The following CD58 variants were observed in gnomAD, a reference collection of about 807,000 sequenced individuals.
CD58 encodes CD58 molecule, also known as lymphocyte function-associated antigen 3.
Under a neutral mutation model 27.6 loss-of-function variants are expected in CD58, and 14 were observed. That is an observed-to-expected ratio of 0.51 (90% CI 0.34 to 0.79). The LOEUF (loss-of-function observed/expected upper bound fraction) is 0.79. Among genes scored for constraint, CD58 ranks in the 30% least tolerant of loss-of-function variants. The pLI is 0.02. For missense variants in CD58, 268 were observed against 301.7 expected (o/e 0.89, Z 0.83); for synonymous variants, 117 against 103.8 (o/e 1.13, Z -0.77).
chr1:116,514,755 G>A lies in CD58; in HGVS notation c.*58C>T, dbSNP rs1657021794. On this transcript the variant is annotated 3_prime_UTR_variant, in exon 6 of 6. Coordinates refer to ENST00000369489, the MANE Select transcript of CD58 (RefSeq NM_001779.3). ...GTAATACTCAAATGAGAAATCAGATGGCTTTTTAGTTTTTAAAATAATTTA... is the reference window on the plus strand; with the variant it reads ...GTAATACTCAAATGAGAAATCAGATAGCTTTTTAGTTTTTAAAATAATTTA... The A allele has an allele frequency of 6.2e-6, 7 of 1,132,056 alleles. No homozygotes were observed. The Admixed American group carries it at 6.3e-5, about 10-fold the overall frequency. The allele number at this position is 1,132,056 out of a possible 1,614,324, so 70.1% of individuals were successfully genotyped here. A position where few individuals can be genotyped will look rare whatever the true frequency, so the allele number is the denominator to read the frequency against.
rs2101202392 is a variant in CD58, at chr1:116,550,778, C to T, written c.71-6174G>A. Among the ~76,000 whole-genome samples the T allele has an allele frequency of 6.6e-6, 1 of 152,180 alleles. No individual in the cohort carries two copies. Among genetic ancestry groups the T allele is most frequent in the African/African-American group, 2.4e-5 (1 of 41,518 alleles). ...AATAATTATCTATGGCAGCTATAGC[C>T]TTACCAAGTGTATTCCTACATAATA... On this transcript the variant is annotated intron_variant, in intron 1 of 5. Coordinates refer to ENST00000369489, the MANE Select transcript of CD58 (RefSeq NM_001779.3). This position sits in a 1 kb window ranked among gnomAD's most constrained non-coding sequence, Gnocchi z 4.2.
At chr1:116,548,283 C>T (rs1210013368) in intron 1 of CD58, among the ~76,000 whole-genome samples, 1 of 152,200 alleles carries the variant, frequency 6.6e-6, no homozygotes, top group Non-Finnish European at 1.5e-5. Context: ...GTTTATATTG[C>T]TGTACAGAAG....
intron 3 of CD58, chr1:116,533,753 C>T: frequency 1.4e-6 from 1 of 707,916 alleles, no homozygotes; most frequent in Non-Finnish European, 2.6e-6. Flanking sequence ...GTTGGTTCAA[C>T]ATCACCGGTG....
chr1:116,559,813 C>G lies in CD58; in HGVS notation c.70+11090G>C, dbSNP rs1416201617. 2.0e-5 allele frequency among the ~76,000 whole-genome samples: 3 copies of G among 152,164 alleles called. No individual in the cohort carries two copies. Among genetic ancestry groups the G allele is most frequent in the Non-Finnish European group, 4.4e-5 (3 of 68,038 alleles). On this transcript the variant is annotated intron_variant, in intron 1 of 5. Transcript: ENST00000369489. The surrounding 1 kb of genome is among the most constrained non-coding windows in gnomAD (Gnocchi z 4.4). Reference sequence around the variant, plus strand: ...GTTTCCTTTTTAATTCTTGTTCTTGCACTTAACCTATTTCTTCTTTCTCAA... The same window carrying G: ...GTTTCCTTTTTAATTCTTGTTCTTGGACTTAACCTATTTCTTCTTTCTCAA...
chr1:116,544,024 C>T lies in CD58; in HGVS notation c.364+287G>A, dbSNP rs548183667. Among the ~76,000 whole-genome samples the T allele has an allele frequency of 2.0e-4, 30 of 152,282 alleles. No individual in the cohort carries two copies. The South Asian group carries it at 6.0e-3, about 31-fold the overall frequency. ...TATAGAGTAACATCTATCAGTGGAG[C>T]CCAAAGAGTTCTAAGCTAACTGCTG... is the stretch of plus-strand genomic sequence containing the variant. On this transcript the variant is annotated intron_variant, in intron 2 of 5. Transcript: ENST00000369489.
In CD58 at chr1:116,521,652, A is replaced by G. The variant is rs527955461; in HGVS notation, c.706+254T>C. The G allele has an allele frequency of 3.0e-6, 1 of 338,670 alleles. No homozygotes were observed. The highest frequency in any genetic ancestry group is 3.2e-5 in the South Asian group (1 of 30,852). 21.0% of individuals were successfully genotyped at this position (338,670 alleles called of 1,614,324 possible). ...AGCAGATCACAGGTAAAAGGAGGCT[A>G]TGCAACAGGTCCAGGCTGTGTTCCC... is the stretch of plus-strand genomic sequence containing the variant. On this transcript the variant is annotated intron_variant, in intron 4 of 5. Coordinates refer to ENST00000369489, the MANE Select transcript of CD58 (RefSeq NM_001779.3). The surrounding 1 kb of genome is among the most constrained non-coding windows in gnomAD (Gnocchi z 5.6).
At position 116,524,670 on chromosome 1, in the gene CD58, T is replaced by C. The variant is rs927467259; in HGVS notation, c.629-2687A>G. Among the ~76,000 whole-genome samples the C allele has an allele frequency of 7.9e-5, 12 of 152,360 alleles. No individual in the cohort carries two copies. The highest frequency in any genetic ancestry group is 2.6e-4 in the African/African-American group (11 of 41,592). On this transcript the variant is annotated intron_variant, in intron 3 of 5. Coordinates refer to ENST00000369489, the MANE Select transcript of CD58 (RefSeq NM_001779.3). The surrounding 1 kb of genome is among the most constrained non-coding windows in gnomAD (Gnocchi z 4.6). ...TATTCAATAACAACAATATAAATAT[T>C]CATTTGCATTTTCCTGCAATACATA...
At chr1:116,562,600 T>C (rs1339773536) in intron 1 of CD58, among the ~76,000 whole-genome samples, 1 of 152,224 alleles carries the variant, frequency 6.6e-6, no homozygotes, top group Non-Finnish European at 1.5e-5. Flanking sequence ...CAGTTCCACA[T>C]GGCCAGGGAA....
At chr1:116,549,950 C>G (rs1429565219) in intron 1 of CD58, among the ~76,000 whole-genome samples, 1 of 152,048 alleles carries the variant, frequency 6.6e-6, no homozygotes, top group Admixed American at 6.5e-5. Flanking sequence ...TTACACTATA[C>G]TGTAGTCTAT....
intron 1 of CD58, among the ~76,000 whole-genome samples, chr1:116,560,330 A>T (rs1350862469): frequency 6.6e-6 from 1 of 152,126 alleles, no homozygotes; most frequent in Non-Finnish European, 1.5e-5. Flanking sequence ...TTAGGGAATA[A>T]GGTTCTTACT....
At chr1:116,548,442 A>T (rs890916276) in intron 1 of CD58, among the ~76,000 whole-genome samples, 3 of 152,106 alleles carry the variant, frequency 2.0e-5, no homozygotes, top group African/African-American at 7.2e-5. Context: ...TCTTAGATTT[A>T]AGTTTTTGAT....
chr1:116,570,809 C>T lies in CD58; in HGVS notation c.70+94G>A, dbSNP rs1659114574. 2 of 973,822 alleles carry T rather than the reference C, an allele frequency of 2.1e-6. No individual in the cohort carries two copies. The highest frequency in any genetic ancestry group is 1.6e-5 in the South Asian group (1 of 63,488). 60.3% of individuals were successfully genotyped at this position (973,822 alleles called of 1,614,324 possible). A position where few individuals can be genotyped will look rare whatever the true frequency, so the allele number is the denominator to read the frequency against. ...CGACCCGTCCCCACCCGTCTCTGAT[C>T]GGCAACCGCCTCGAGCCCGGCGCGT... On this transcript the variant is annotated intron_variant, in intron 1 of 5. Transcript: ENST00000369489. This position sits in a 1 kb window ranked among gnomAD's most constrained non-coding sequence, Gnocchi z 6.4.
chr1:116,567,471 A>C (rs1658979550), intron 1 of CD58, among the ~76,000 whole-genome samples: 1 of 152,032 alleles, frequency 6.6e-6, no homozygotes, highest in African/African-American at 2.4e-5. Flanking sequence ...CCCTGTTTCT[A>C]CAAAAACTAA....
At position 116,521,282 on chromosome 1, in the gene CD58, GT is replaced by G. The variant is rs1218813604; in HGVS notation, c.706+623del. On this transcript the variant is annotated intron_variant, in intron 4 of 5. Transcript: ENST00000369489. This position sits in a 1 kb window ranked among gnomAD's most constrained non-coding sequence, Gnocchi z 5.6. The stretch of plus-strand genomic sequence containing the variant: ...GGTGAAGGCTGGTATGGAAACTGCT[GT>G]GGCATCAAGAATATCCACTCTTCAG... Among the ~76,000 whole-genome samples, 1 of 152,080 alleles carries G rather than the reference GT, an allele frequency of 6.6e-6. No individual in the cohort carries two copies. Among genetic ancestry groups the G allele is most frequent in the African/African-American group, 2.4e-5 (1 of 41,400 alleles).
At chr1:116,539,510 A>T (rs1657924038) in intron 2 of CD58, among the ~76,000 whole-genome samples, 1 of 151,154 alleles carries the variant, frequency 6.6e-6, no homozygotes, top group African/African-American at 2.5e-5. Flanking sequence ...GGTTTGTAAA[A>T]AAGAAAAGAA....
chr1:116,533,509 TTCAC>T, intron 3 of CD58: 1 of 733,142 alleles, frequency 1.4e-6, no homozygotes, highest in East Asian at 2.7e-5. Context: ...GTCAGAAAAC[TTCAC>T]TTTAATATCC....
rs1391096782 is a variant in CD58 at position 116,524,781 on chromosome 1, C to A, written c.629-2798G>T. Among the ~76,000 whole-genome samples, 1 of 152,144 alleles carries A rather than the reference C, an allele frequency of 6.6e-6. No homozygotes were observed. The highest frequency in any genetic ancestry group is 1.5e-5 in the Non-Finnish European group (1 of 68,016). On this transcript the variant is annotated intron_variant, in intron 3 of 5. Coordinates refer to ENST00000369489, the MANE Select transcript of CD58 (RefSeq NM_001779.3). This position sits in a 1 kb window ranked among gnomAD's most constrained non-coding sequence, Gnocchi z 4.6. Reference sequence around the variant, plus strand: ...TTTTTTTCTTTATAGTTCTTTTTATCCTTAGAATGCAGCCCCTTGAAATAT... The same window carrying A: ...TTTTTTTCTTTATAGTTCTTTTTATACTTAGAATGCAGCCCCTTGAAATAT...
At chr1:116,520,464 T>C in intron 4 of CD58, among the ~76,000 whole-genome samples, 1 of 151,822 alleles carries the variant, frequency 6.6e-6, no homozygotes, top group African/African-American at 2.4e-5. Flanking sequence ...TATCTGGGGC[T>C]AACAGTACTG....
chr1:116,566,095 T>C (rs1658923618), intron 1 of CD58, among the ~76,000 whole-genome samples: 1 of 152,222 alleles, frequency 6.6e-6, no homozygotes, highest in African/African-American at 2.4e-5. Flanking sequence ...AGTTATATCT[T>C]GAAAAACTCA....
Sources: allele counts gnomAD v4.1 joint callset (sites outside exome capture counted in the v4.1 genomes callset), GRCh38; gene constraint gnomAD v4.1.1; non-coding constraint Gnocchi (gnomAD v3.1); transcripts MANE v1.5; gene names NCBI Gene and HGNC (gene_info 2026-07-23, HGNC 2026-07-21).